VAV3: variants seen among roughly 807,000 people sequenced by gnomAD.
VAV3 encodes guanine nucleotide exchange factor VAV3.
In VAV3, 94 loss-of-function variants were observed where a neutral mutation model predicts 131.2. The observed-to-expected ratio is 0.72, with a 90% CI of 0.61 to 0.85. The LOEUF (loss-of-function observed/expected upper bound fraction) is 0.85. VAV3 is among the 40% of genes least tolerant of loss of function. The pLI is 0.00. For missense variants in VAV3, 939 were observed against 1,002.7 expected (o/e 0.94, Z 0.86); for synonymous variants, 349 against 342.0 (o/e 1.02, Z -0.22).
rs532669450 is a variant in VAV3 at position 107,901,650 on chromosome 1, A to G, written c.205-26633T>C. Among the ~76,000 whole-genome samples the G allele has an allele frequency of 5.2e-4, 79 of 152,338 alleles. No homozygotes were observed. In the South Asian group the frequency reaches 0.016, roughly 30 times the overall value. Reference sequence around the variant, plus strand: ...ATTTAAGAATAAAATAAAAATAAAAATATTTTTCCTTTCAATGTACTTGTA... The same window carrying G: ...ATTTAAGAATAAAATAAAAATAAAAGTATTTTTCCTTTCAATGTACTTGTA... On this transcript the variant is annotated intron_variant, in intron 1 of 26. Transcript: ENST00000370056.
intron 1 of VAV3, among the ~76,000 whole-genome samples, chr1:107,955,505 C>T (rs188353409): frequency 3.6e-4 from 55 of 151,434 alleles, no homozygotes; most frequent in Admixed American, 1.3e-3. Context: ...GGAAGGGAGA[C>T]GGATAAGGAA....
chr1:107,894,133 G>T (rs1404642250), intron 1 of VAV3, among the ~76,000 whole-genome samples: 1 of 152,164 alleles, frequency 6.6e-6, no homozygotes, highest in East Asian at 1.9e-4. Context: ...ATTTCCTATA[G>T]TTGACTGTAA....
intron 19 of VAV3, among the ~76,000 whole-genome samples, chr1:107,660,028 C>G (rs1656890276): frequency 6.6e-6 from 1 of 152,198 alleles, no homozygotes. Context: ...TCAGGGAAAT[C>G]TCTCCTACAA....
At chr1:107,896,513 T>C (rs988705907) in intron 1 of VAV3, among the ~76,000 whole-genome samples, 7 of 152,222 alleles carry the variant, frequency 4.6e-5, no homozygotes, top group Admixed American at 4.6e-4. Context: ...ATAAAGACTT[T>C]AAGGTATTTA....
chr1:107,611,276 T>TA (rs1652704674), intron 21 of VAV3, among the ~76,000 whole-genome samples: 1 of 152,196 alleles, frequency 6.6e-6, no homozygotes, highest in Non-Finnish European at 1.5e-5. Context: ...ATCATCTTTC[T>TA]AGTCAGAACA....
At chr1:107,748,938 A>C in intron 15 of VAV3, 30 bp downstream of exon 15, 2 of 1,481,688 alleles carry the variant, frequency 1.3e-6, no homozygotes, top group Non-Finnish European at 1.9e-6. Context: ...TAGTAAAAAT[A>C]AAAGCACTTT....
intron 25 of VAV3, among the ~76,000 whole-genome samples, chr1:107,581,309 T>C (rs1366362863): frequency 1.3e-5 from 2 of 152,186 alleles, no homozygotes; most frequent in African/African-American, 4.8e-5. Context: ...AGGTATCTGG[T>C]TATTTTGCAT....
chr1:107,594,715 C>T (rs1377718282), intron 25 of VAV3, among the ~76,000 whole-genome samples: 1 of 152,096 alleles, frequency 6.6e-6, no homozygotes, highest in Non-Finnish European at 1.5e-5. Flanking sequence ...GCTACATTCT[C>T]TGAGTACCTC....
intron 20 of VAV3, among the ~76,000 whole-genome samples, chr1:107,630,233 C>T (rs986846933): frequency 6.6e-6 from 1 of 152,076 alleles, no homozygotes; most frequent in Non-Finnish European, 1.5e-5. Context: ...AGGTTAGAAA[C>T]GGGTTCTCTA....
chr1:107,753,549 T>TATATATATGTATATATATATATAC (rs771773884), intron 12 of VAV3, among the ~76,000 whole-genome samples: 3 of 82,070 alleles, frequency 3.7e-5, no homozygotes, highest in African/African-American at 1.4e-4. Context: ...TATATATATA[T>TATATATATGTATATATATATATAC]ACACACACAC....
At chr1:107,750,624 C>CA (rs1248331566) in intron 13 of VAV3, among the ~76,000 whole-genome samples, 2 of 152,140 alleles carry the variant, frequency 1.3e-5, no homozygotes, top group Non-Finnish European at 2.9e-5. Context: ...TTGTCAACCA[C>CA]AAAAACCTCT....
At chr1:107,754,736 C>T (rs1345584936) in intron 12 of VAV3, among the ~76,000 whole-genome samples, 1 of 152,210 alleles carries the variant, frequency 6.6e-6, no homozygotes, top group Non-Finnish European at 1.5e-5. Context: ...TCCAGCCACT[C>T]TTACCTTTCA....
chr1:107,875,951 T>C (rs1670475437), intron 1 of VAV3, among the ~76,000 whole-genome samples: 1 of 152,128 alleles, frequency 6.6e-6, no homozygotes, highest in South Asian at 2.1e-4. Context: ...TATGGGAGTC[T>C]TTAGTGTACA....
At chr1:107,584,249 G>A (rs140679958) in intron 25 of VAV3, among the ~76,000 whole-genome samples, 2 of 152,026 alleles carry the variant, frequency 1.3e-5, no homozygotes, top group African/African-American at 4.8e-5. Context: ...CCTTATACAA[G>A]AATCAATTCA....
intron 1 of VAV3, among the ~76,000 whole-genome samples, chr1:107,911,020 G>A (rs976008905): frequency 2.6e-5 from 4 of 151,784 alleles, no homozygotes; most frequent in Non-Finnish European, 5.9e-5. Flanking sequence ...AAGCAAGGTA[G>A]GCTTGAGTCA....
chr1:107,688,383 C>A lies in VAV3; in HGVS notation c.1729G>T (p.Glu577Ter). Residue 577 changes from glutamate (E) to a stop codon, truncating the protein, a stop_gained and splice_region_variant, in exon 18 of 27, where the codon GAG becomes TAG. Coordinates refer to ENST00000370056, the MANE Select transcript of VAV3 (RefSeq NM_006113.5). LOFTEE classifies it high-confidence loss of function. ...AATATTTAAAATGTTAATCTTACCT[C>A]TGGTAGTTTGAGTGTCCCTTGTTCT... ...SGEQGTLKLPEKRTNGLRRTP... is the reference protein window; with the variant it reads ...SGEQGTLKLP 6.2e-7 allele frequency: 1 copy of A among 1,613,012 alleles called. No individual in the cohort carries two copies. Among genetic ancestry groups the A allele is most frequent in the East Asian group, 2.2e-5 (1 of 44,834 alleles).
chr1:107,633,949 C>T (rs1267505876), intron 20 of VAV3, among the ~76,000 whole-genome samples: 3 of 152,054 alleles, frequency 2.0e-5, no homozygotes, highest in Admixed American at 1.3e-4. Flanking sequence ...AGAAGAACCA[C>T]CTTATCACCC....
At chr1:107,798,635 C>T (rs376224944) in intron 2 of VAV3, among the ~76,000 whole-genome samples, 37 of 142,966 alleles carry the variant, frequency 2.6e-4, no homozygotes, top group African/African-American at 8.0e-4. Flanking sequence ...AGGAGAATGG[C>T]GTGAACCCAG....
At chr1:107,608,626 A>G (rs1271285487) in intron 22 of VAV3, among the ~76,000 whole-genome samples, 1 of 152,210 alleles carries the variant, frequency 6.6e-6, no homozygotes, top group African/African-American at 2.4e-5. Flanking sequence ...CAGGAAGGGT[A>G]GACAGTAACT....
Sources: allele counts gnomAD v4.1 joint callset (sites outside exome capture counted in the v4.1 genomes callset), GRCh38; gene constraint gnomAD v4.1.1; transcripts MANE v1.5; gene names NCBI Gene and HGNC (gene_info 2026-07-23, HGNC 2026-07-21).